Variants in PLXNC1 observed in about 807,000 individuals in gnomAD.
PLXNC1 encodes the protein plexin-C1.
Under a neutral mutation model 178.2 loss-of-function variants are expected in PLXNC1, and 75 were observed. The ratio of observed to expected loss-of-function variants is 0.42; its 90% CI spans 0.35 to 0.51. The LOEUF (loss-of-function observed/expected upper bound fraction) is 0.51. Ranked by LOEUF, PLXNC1 falls within the 20% of genes least tolerant of loss-of-function variation. PLXNC1 has a pLI of 0.02. For missense variants in PLXNC1, 1,503 were observed against 1,984.4 expected (o/e 0.76, Z 4.61); for synonymous variants, 790 against 779.9 (o/e 1.01, Z -0.22).
chr12:94,258,008 A>T (rs1187120599), intron 17 of PLXNC1, among the ~76,000 whole-genome samples: 1 of 151,376 alleles, frequency 6.6e-6, no homozygotes, highest in Non-Finnish European at 1.5e-5. Context: ...TGGGCGACAG[A>T]GGGAGATTCC....
At chr12:94,179,889 A>G (rs1962244677) in intron 2 of PLXNC1, among the ~76,000 whole-genome samples, 2 of 152,176 alleles carry the variant, frequency 1.3e-5, no homozygotes, top group Admixed American at 6.5e-5. Flanking sequence ...TAAGGAAGGC[A>G]CTATTAGCCC....
At chr12:94,228,596 C>T (rs972036338) in intron 9 of PLXNC1, among the ~76,000 whole-genome samples, 5 of 152,228 alleles carry the variant, frequency 3.3e-5, no homozygotes, top group South Asian at 4.2e-4. Flanking sequence ...CCTTGGAAAC[C>T]GCCATTCTAA....
At chr12:94,246,063 TGTCCTGTCTTGA>T (rs1380154167) in intron 12 of PLXNC1, among the ~76,000 whole-genome samples, 1 of 152,124 alleles carries the variant, frequency 6.6e-6, no homozygotes, top group African/African-American at 2.4e-5. Flanking sequence ...AAGGCTTCGG[TGTCCTGTCTTGA>T]GTCCTGGGAA....
At chr12:94,191,780 A>AAAG (rs397815580) in intron 4 of PLXNC1, among the ~76,000 whole-genome samples, 1 of 151,462 alleles carries the variant, frequency 6.6e-6, no homozygotes, top group East Asian at 1.9e-4. Context: ...AAAAAAAAAA[A>AAAG]GGGAATAGGC....
intron 5 of PLXNC1, among the ~76,000 whole-genome samples, chr12:94,210,696 A>T (rs1292019053): frequency 6.6e-6 from 1 of 152,244 alleles, no homozygotes; most frequent in African/African-American, 2.4e-5. Flanking sequence ...TCTAAGTTGT[A>T]ACTGATCAGA....
Position 94,307,211 on chromosome 12 carries a change from A to AAGTC in PLXNC1, c.*1928_*1931dup, listed in dbSNP as rs1969131134. On this transcript the variant is annotated 3_prime_UTR_variant, in exon 31 of 31. Transcript: ENST00000258526. ...GACTGTGCTGTTGGGAACTTTGGGC[A>AAGTC]AGTCACTTACCTCTTTGTGCCTCAA... The AAGTC allele has an allele frequency of 6.6e-6, 1 of 152,184 alleles. No homozygotes were observed. The highest frequency in any genetic ancestry group is 6.6e-5 in the Admixed American group (1 of 15,262). 9.4% of individuals were successfully genotyped at this position (152,184 alleles called of 1,614,324 possible).
intron 5 of PLXNC1, among the ~76,000 whole-genome samples, chr12:94,217,342 C>G (rs1157289324): frequency 6.6e-6 from 1 of 152,186 alleles, no homozygotes; most frequent in Non-Finnish European, 1.5e-5. Flanking sequence ...CCATTTAAGG[C>G]CCAGTTTTGG....
At chr12:94,257,657 C>T (rs1004681138) in intron 17 of PLXNC1, among the ~76,000 whole-genome samples, 1 of 152,180 alleles carries the variant, frequency 6.6e-6, no homozygotes, top group Non-Finnish European at 1.5e-5. Context: ...CCTGTAATCC[C>T]AGCTACTCGG....
At chr12:94,244,840 G>T (rs1964484435) in intron 12 of PLXNC1, among the ~76,000 whole-genome samples, 1 of 152,226 alleles carries the variant, frequency 6.6e-6, no homozygotes, top group Non-Finnish European at 1.5e-5. Flanking sequence ...GCCAAGAGGG[G>T]AGATGAGGGA....
At chr12:94,269,966 T>G (rs912404769) in intron 21 of PLXNC1, among the ~76,000 whole-genome samples, 1 of 152,252 alleles carries the variant, frequency 6.6e-6, no homozygotes, top group African/African-American at 2.4e-5. Flanking sequence ...CTTCATACAC[T>G]TTCTTCTCAT....
At chr12:94,288,236 G>T (rs1203316854) in intron 23 of PLXNC1, among the ~76,000 whole-genome samples, 2 of 152,210 alleles carry the variant, frequency 1.3e-5, no homozygotes, top group South Asian at 2.1e-4. Flanking sequence ...TTATCAAAAT[G>T]CTTCCCTACT....
intron 17 of PLXNC1, among the ~76,000 whole-genome samples, chr12:94,258,069 G>A (rs1964903659): frequency 6.6e-6 from 1 of 152,058 alleles, no homozygotes; most frequent in Non-Finnish European, 1.5e-5. Flanking sequence ...AGAGGTTGCC[G>A]TGAGCCGAGA....
At chr12:94,204,295 C>A (rs1045939700) in intron 4 of PLXNC1, among the ~76,000 whole-genome samples, 1 of 152,140 alleles carries the variant, frequency 6.6e-6, no homozygotes, top group African/African-American at 2.4e-5. Flanking sequence ...CTTAGGAAAG[C>A]AATATGGAAC....
At chr12:94,160,351 G>A (rs1961335727) in intron 1 of PLXNC1, among the ~76,000 whole-genome samples, 1 of 152,182 alleles carries the variant, frequency 6.6e-6, no homozygotes, top group South Asian at 2.1e-4. Flanking sequence ...AAGAGGAGTT[G>A]ACACTGGGGC....
chr12:94,173,953 T>C (rs1961950740), intron 2 of PLXNC1, among the ~76,000 whole-genome samples: 1 of 152,126 alleles, frequency 6.6e-6, no homozygotes. Flanking sequence ...TGGGCTCCTT[T>C]GTAGGAAAGG....
intron 1 of PLXNC1, 105 bp from the exon 2 acceptor site, chr12:94,169,048 T>G: frequency 5.5e-5 from 56 of 1,022,464 alleles, no homozygotes; most frequent in Middle Eastern, 2.3e-4. Context: ...GGCCCAGAAG[T>G]GAGATCCTGC....
At chr12:94,241,035 A>G (rs761045395) in intron 11 of PLXNC1, among the ~76,000 whole-genome samples, 6 of 152,256 alleles carry the variant, frequency 3.9e-5, no homozygotes, top group Non-Finnish European at 7.4e-5. Flanking sequence ...GCTGTTTTGA[A>G]TTCTTTGGGG....
At chr12:94,226,825 A>G (rs1592785643) in intron 8 of PLXNC1, 118 bp downstream of exon 8, 2 of 719,444 alleles carry the variant, frequency 2.8e-6, no homozygotes, top group East Asian at 5.2e-5. Flanking sequence ...GGAGTTCGAG[A>G]CCAGCCTGAC....
chr12:94,247,630 T>C (rs1681872), intron 12 of PLXNC1, among the ~76,000 whole-genome samples: 49,190 of 152,016 alleles, frequency 0.32, 8,137 homozygotes, highest in African/African-American at 0.4. Flanking sequence ...TTGTCACTCA[T>C]GATATTAATC....
Sources: gnomAD v4.1 joint callset for allele counts (sites outside exome capture counted in the v4.1 genomes callset) on GRCh38, gnomAD v4.1.1 for gene constraint, MANE v1.5 for transcripts, NCBI Gene and HGNC (gene_info 2026-07-23, HGNC 2026-07-21) for gene names.